The following PTPRD variants were observed in gnomAD, a reference collection of about 807,000 sequenced individuals.
PTPRD encodes receptor-type tyrosine-protein phosphatase delta.
In PTPRD, 34 loss-of-function variants were observed where a neutral mutation model predicts 214.5. The observed-to-expected ratio is 0.16, with a 90% CI of 0.12 to 0.21. The LOEUF is 0.21. Among genes scored for constraint, PTPRD ranks in the 10% least tolerant of loss-of-function variants. The pLI is 1.00. For missense variants in PTPRD, 2,545 were observed against 2,398.7 expected, an observed-to-expected ratio of 1.06 and a Z score of -1.27; for synonymous variants, 1,128 against 845.7, an observed-to-expected ratio of 1.33 and a Z score of -5.79.
At chr9:9,340,915 G>T (rs141075244) in intron 9 of PTPRD, among the ~76,000 whole-genome samples, 1 of 152,222 alleles carries the variant, frequency 6.6e-6, no homozygotes, top group East Asian at 1.9e-4. Flanking sequence ...AGAAAACAGT[G>T]ATAGTAACAG....
chr9:10,306,094 A>G (rs796528375), intron 3 of PTPRD, among the ~76,000 whole-genome samples: 26 of 152,198 alleles, frequency 1.7e-4, no homozygotes, highest in African/African-American at 6.3e-4. Context: ...ATGCATCCAC[A>G]AAAAAGGACG....
intron 3 of PTPRD, among the ~76,000 whole-genome samples, chr9:10,150,183 TAGTG>T (rs2099051204): frequency 1.3e-5 from 2 of 152,170 alleles, no homozygotes; most frequent in Admixed American, 1.3e-4. Flanking sequence ...TTATTTGTAA[TAGTG>T]AGGAACAAAA....
chr9:9,640,330 C>T (rs1480242722), intron 7 of PTPRD, among the ~76,000 whole-genome samples: 1 of 152,288 alleles, frequency 6.6e-6, no homozygotes, highest in Admixed American at 6.5e-5. Context: ...ATGTAAGATC[C>T]TAAGTCTGGT....
chr9:8,870,627 A>G (rs1459525590), intron 11 of PTPRD, among the ~76,000 whole-genome samples: 1 of 151,102 alleles, frequency 6.6e-6, no homozygotes, highest in Non-Finnish European at 1.5e-5. Context: ...AGAGGTTCCA[A>G]AGAGTTGGGC....
intron 2 of PTPRD, among the ~76,000 whole-genome samples, chr9:10,603,017 C>A (rs1050906980): frequency 1.3e-5 from 2 of 151,688 alleles, no homozygotes; most frequent in Admixed American, 1.3e-4. Flanking sequence ...AAAATTGTGG[C>A]TTTTGGTCAT....
intron 9 of PTPRD, among the ~76,000 whole-genome samples, chr9:9,289,351 A>C (rs1950456471): frequency 6.6e-6 from 1 of 151,886 alleles, no homozygotes; most frequent in Non-Finnish European, 1.5e-5. Context: ...AGCTACATTG[A>C]GATATGATTG....
chr9:9,756,374 C>A (rs2098578150), intron 6 of PTPRD, among the ~76,000 whole-genome samples: 1 of 152,154 alleles, frequency 6.6e-6, no homozygotes, highest in South Asian at 2.1e-4. Context: ...GAGAGCTACA[C>A]AAGTTTAACA....
intron 2 of PTPRD, among the ~76,000 whole-genome samples, chr9:10,416,694 A>G (rs150411867): frequency 1.3e-5 from 2 of 151,966 alleles, no homozygotes; most frequent in East Asian, 3.9e-4. Flanking sequence ...ATCACATATC[A>G]CGGTATCTAG....
intron 2 of PTPRD, among the ~76,000 whole-genome samples, chr9:10,559,604 C>A (rs574177965): frequency 9.2e-5 from 14 of 152,114 alleles, no homozygotes; most frequent in Admixed American, 4.6e-4. Context: ...AAGAAGCTAC[C>A]ATCAGAGTGA....
chr9:9,883,612 T>A (rs1046520592), intron 5 of PTPRD, among the ~76,000 whole-genome samples: 1 of 152,176 alleles, frequency 6.6e-6, no homozygotes, highest in Non-Finnish European at 1.5e-5. Context: ...CAATCATATA[T>A]CTGCTCTTTC....
chr9:9,927,853 T>G (rs1243484821), intron 5 of PTPRD, among the ~76,000 whole-genome samples: 1 of 152,072 alleles, frequency 6.6e-6, no homozygotes, highest in Non-Finnish European at 1.5e-5. Context: ...TGCATTTTCT[T>G]GAGATATGTG....
intron 5 of PTPRD, among the ~76,000 whole-genome samples, chr9:9,923,405 A>G (rs902208470): frequency 7.9e-6 from 1 of 126,084 alleles, no homozygotes; most frequent in Non-Finnish European, 1.6e-5. Flanking sequence ...CTGATTAATC[A>G]TTAAAAAAAT....
At chr9:9,884,681 G>T (rs1383268123) in intron 5 of PTPRD, among the ~76,000 whole-genome samples, 1 of 152,100 alleles carries the variant, frequency 6.6e-6, no homozygotes, top group East Asian at 1.9e-4. Flanking sequence ...TCATGGGAGG[G>T]ACCTGGTGAA....
At chr9:10,182,278 A>AAAAAAAAAAAAAAAAAAAC (rs1554810052) in intron 3 of PTPRD, among the ~76,000 whole-genome samples, 1 of 149,496 alleles carries the variant, frequency 6.7e-6, no homozygotes, top group East Asian at 1.9e-4. Flanking sequence ...AAAAAAAAAA[A>AAAAAAAAAAAAAAAAAAAC]AGAAAAGAAA....
intron 39 of PTPRD, among the ~76,000 whole-genome samples, chr9:8,373,828 GTATGTATGTA>G (rs752036475): frequency 0.12 from 12,747 of 110,306 alleles, 963 homozygotes; most frequent in Admixed American, 0.27. Flanking sequence ...ATGTATGTAT[GTATGTATGTA>G]TGTATGTATG....
intron 3 of PTPRD, among the ~76,000 whole-genome samples, chr9:10,184,670 T>C (rs1043960698): frequency 3.9e-5 from 6 of 152,212 alleles, no homozygotes; most frequent in African/African-American, 1.4e-4. Context: ...ATACTCTTAG[T>C]TCCTTCCCCC....
intron 3 of PTPRD, among the ~76,000 whole-genome samples, chr9:10,287,398 T>C (rs1255679475): frequency 4.6e-5 from 7 of 152,238 alleles, no homozygotes. Context: ...AAAAATGAAA[T>C]GTCTTATAGC....
At chr9:8,826,102 G>T (rs1027647584) in intron 11 of PTPRD, among the ~76,000 whole-genome samples, 3 of 152,178 alleles carry the variant, frequency 2.0e-5, no homozygotes, top group South Asian at 2.1e-4. Context: ...ACAATTCACA[G>T]ATAAAGGCCT....
At chr9:9,884,780 C>A (rs1028476719) in intron 5 of PTPRD, among the ~76,000 whole-genome samples, 1 of 152,104 alleles carries the variant, frequency 6.6e-6, no homozygotes, top group Non-Finnish European at 1.5e-5. Context: ...TTATAAGGGG[C>A]TTTTCCCCAC....
Sources: allele counts gnomAD v4.1 joint callset (sites outside exome capture counted in the v4.1 genomes callset), GRCh38; gene constraint gnomAD v4.1.1; transcripts MANE v1.5; gene names NCBI Gene and HGNC (gene_info 2026-07-23, HGNC 2026-07-21).